The following PRKCA variants were observed in gnomAD, a reference collection of about 807,000 sequenced individuals.
The protein encoded by PRKCA is protein kinase C alpha.
A neutral mutation model predicts 87.0 loss-of-function variants in PRKCA; 27 were observed. That is an observed-to-expected ratio of 0.31 (90% CI 0.23 to 0.43). The LOEUF is 0.43. Ranked by LOEUF, PRKCA falls within the 20% of genes least tolerant of loss-of-function variation. The probability of loss-of-function intolerance (pLI) is 1.00; values close to 1 mark genes in which losing one functional copy is unlikely to be tolerated. For synonymous variants in PRKCA, 329 were observed against 311.1 expected, an observed-to-expected ratio of 1.06 and a Z score of -0.61; for missense variants, 518 against 852.3, an observed-to-expected ratio of 0.61 and a Z score of 4.88.
At chr17:66,305,704 T>C (rs1332693814) in intron 1 of PRKCA, among the ~76,000 whole-genome samples, 1 of 152,256 alleles carries the variant, frequency 6.6e-6, no homozygotes, top group Non-Finnish European at 1.5e-5. Context: ...AATTTTCATT[T>C]GGTCTTCAGG....
chr17:66,343,092 A>C (rs1468991577), intron 2 of PRKCA, among the ~76,000 whole-genome samples: 1 of 150,948 alleles, frequency 6.6e-6, no homozygotes, highest in Non-Finnish European at 1.5e-5. Context: ...GATGTTGAGA[A>C]CCTGAATAAT....
intron 2 of PRKCA, among the ~76,000 whole-genome samples, chr17:66,398,996 A>G (rs1910846994): frequency 6.6e-6 from 1 of 152,150 alleles, no homozygotes; most frequent in African/African-American, 2.4e-5. Context: ...GATCCAATTT[A>G]GAGAAGAAAT....
intron 2 of PRKCA, among the ~76,000 whole-genome samples, chr17:66,481,119 C>T (rs980641648): frequency 2.0e-5 from 3 of 152,148 alleles, no homozygotes; most frequent in African/African-American, 7.2e-5. Flanking sequence ...CTTCCCTGAA[C>T]TCAAGGCTGG....
intron 14 of PRKCA, among the ~76,000 whole-genome samples, chr17:66,778,688 A>G (rs1399823057): frequency 6.6e-6 from 1 of 151,902 alleles, no homozygotes; most frequent in Non-Finnish European, 1.5e-5. Flanking sequence ...AAAAGATGCA[A>G]AAATGAGCTG....
chr17:66,712,427 A>G (rs1372351689), intron 8 of PRKCA, among the ~76,000 whole-genome samples: 1 of 152,220 alleles, frequency 6.6e-6, no homozygotes, highest in Non-Finnish European at 1.5e-5. Context: ...TCTGAATCAC[A>G]GAGCTTAGTT....
At chr17:66,442,828 T>G (rs1567831379) in intron 2 of PRKCA, among the ~76,000 whole-genome samples, 1 of 152,224 alleles carries the variant, frequency 6.6e-6, no homozygotes, top group Admixed American at 6.5e-5. Flanking sequence ...CTTACATACA[T>G]GGACACACTT....
chr17:66,351,069 ACT>A (rs1463984556), intron 2 of PRKCA, among the ~76,000 whole-genome samples: 4 of 152,106 alleles, frequency 2.6e-5, no homozygotes, highest in Non-Finnish European at 5.9e-5. Context: ...GATGGAAGAA[ACT>A]CTGAGTGGAC....
At chr17:66,361,279 C>G (rs1233634561) in intron 2 of PRKCA, among the ~76,000 whole-genome samples, 2 of 151,582 alleles carry the variant, frequency 1.3e-5, no homozygotes, top group Non-Finnish European at 2.9e-5. Flanking sequence ...GTTGATCTCT[C>G]TCCTTTGTAA....
intron 2 of PRKCA, among the ~76,000 whole-genome samples, chr17:66,489,844 G>A (rs1383017761): frequency 6.6e-6 from 1 of 150,650 alleles, no homozygotes; most frequent in Non-Finnish European, 1.5e-5. Context: ...ACAGTGGCGT[G>A]ATCTCAGCTC....
chr17:66,418,821 G>C (rs1400520478), intron 2 of PRKCA, among the ~76,000 whole-genome samples: 1 of 151,602 alleles, frequency 6.6e-6, no homozygotes, highest in South Asian at 2.1e-4. Flanking sequence ...GCGCGATCTC[G>C]GCTCACTGCA....
intron 3 of PRKCA, among the ~76,000 whole-genome samples, chr17:66,512,065 G>A (rs76082031): frequency 0.026 from 3,974 of 152,136 alleles, 47 homozygotes; most frequent in Non-Finnish European, 0.039. Flanking sequence ...TACACTGCTT[G>A]CCAAATAGCT....
At chr17:66,526,532 C>G (rs1445208143) in intron 3 of PRKCA, among the ~76,000 whole-genome samples, 1 of 152,106 alleles carries the variant, frequency 6.6e-6, no homozygotes, top group African/African-American at 2.4e-5. Context: ...CTTGGGTGTG[C>G]TCTTCCCAGG....
At chr17:66,454,282 A>C (rs1407670604) in intron 2 of PRKCA, among the ~76,000 whole-genome samples, 1 of 152,222 alleles carries the variant, frequency 6.6e-6, no homozygotes, top group African/African-American at 2.4e-5. Flanking sequence ...TGGGGTTGAC[A>C]GTCCCAGGGG....
intron 3 of PRKCA, among the ~76,000 whole-genome samples, chr17:66,639,762 C>T (rs1165131193): frequency 1.3e-5 from 2 of 151,958 alleles, no homozygotes; most frequent in African/African-American, 2.4e-5. Flanking sequence ...TTTGGGAGGC[C>T]GAAGCAAGTA....
chr17:66,582,262 T>A (rs1969465548), intron 3 of PRKCA, among the ~76,000 whole-genome samples: 1 of 152,226 alleles, frequency 6.6e-6, no homozygotes, highest in Admixed American at 6.5e-5. Flanking sequence ...ACTTCTGTGC[T>A]ACAGGTGGAA....
At chr17:66,445,805 T>TC (rs879507358) in intron 2 of PRKCA, among the ~76,000 whole-genome samples, 10 of 152,012 alleles carry the variant, frequency 6.6e-5, no homozygotes, top group Non-Finnish European at 1.0e-4. Context: ...TTTTTTTTTT[T>TC]TTCTTCTTTT....
chr17:66,343,404 C>A (rs535626402), intron 2 of PRKCA, among the ~76,000 whole-genome samples: 2 of 152,298 alleles, frequency 1.3e-5, no homozygotes, highest in South Asian at 4.1e-4. Context: ...AATGGCCTAA[C>A]TTCCTTTCAA....
rs115648759 is a variant in PRKCA at position 66,503,158 on chromosome 17, C to T, written c.288+6875C>T. 8.7e-3 allele frequency among the ~76,000 whole-genome samples: 1,331 copies of T among 152,198 alleles called. 19 individuals are homozygous for T. The highest frequency in any genetic ancestry group is 0.031 in the African/African-American group (1,282 of 41,512). On this transcript the variant is annotated intron_variant, in intron 3 of 16. Coordinates refer to ENST00000413366, the MANE Select transcript of PRKCA (RefSeq NM_002737.3). The stretch of plus-strand genomic sequence containing the variant: ...GAGGGATTTGTTAAAAGGCTTCAAG[C>T]GTCTGGAGGTAGTAAGCTTTCCTCG...
In PRKCA at chr17:66,804,120, G is replaced by A; in HGVS notation, c.*83G>A. 1 of 1,516,804 alleles carries A rather than the reference G, an allele frequency of 6.6e-7. No homozygotes were observed. Among genetic ancestry groups the A allele is most frequent in the Non-Finnish European group, 8.8e-7 (1 of 1,131,656 alleles). 94.0% of individuals were successfully genotyped at this position (1,516,804 alleles called of 1,614,324 possible). A position where few individuals can be genotyped will look rare whatever the true frequency, so the allele number is the denominator to read the frequency against. On this transcript the variant is annotated 3_prime_UTR_variant, in exon 17 of 17. Transcript: ENST00000413366. ...TGAATCCTTAACCCTAAAATTTTAA[G>A]GCCACGGCCTTGTGTCTGATTCCAT...
Sources: gnomAD v4.1 joint callset for allele counts (sites outside exome capture counted in the v4.1 genomes callset) on GRCh38, gnomAD v4.1.1 for gene constraint, MANE v1.5 for transcripts, NCBI Gene and HGNC (gene_info 2026-07-23, HGNC 2026-07-21) for gene names.